FMNL2: variants seen among roughly 807,000 people sequenced by gnomAD.
FMNL2 encodes the protein formin-like protein 2.
FMNL2 carries 51 observed loss-of-function variants against 130.2 expected under a neutral mutation model. That is an observed-to-expected ratio of 0.39 (90% CI 0.31 to 0.49). FMNL2 has a LOEUF of 0.49. Among genes scored for constraint, FMNL2 ranks in the 20% least tolerant of loss-of-function variants. The probability of loss-of-function intolerance (pLI) is 0.85; values close to 1 mark genes in which losing one functional copy is unlikely to be tolerated. For missense variants in FMNL2, 977 were observed against 1,316.2 expected, an observed-to-expected ratio of 0.74 and a Z score of 3.99; for synonymous variants, 465 against 467.1, an observed-to-expected ratio of 1.00 and a Z score of 0.06.
chr2:152,392,451 G>A (rs1203972703), intron 1 of FMNL2, among the ~76,000 whole-genome samples: 1 of 152,134 alleles, frequency 6.6e-6, no homozygotes, highest in Non-Finnish European at 1.5e-5. Flanking sequence ...TTGAGACTGG[G>A]TAATTTATAA....
intron 1 of FMNL2, among the ~76,000 whole-genome samples, chr2:152,454,021 C>T (rs1688804798): frequency 6.6e-6 from 1 of 152,090 alleles, no homozygotes; most frequent in African/African-American, 2.4e-5. Flanking sequence ...GCCTATAACC[C>T]CAGCACTTCG....
At chr2:152,389,131 C>T (rs1423511145) in intron 1 of FMNL2, among the ~76,000 whole-genome samples, 8 of 151,602 alleles carry the variant, frequency 5.3e-5, no homozygotes, top group African/African-American at 1.9e-4. Flanking sequence ...AAGCCTAACA[C>T]AGTGTTAGGG....
chr2:152,622,508 T>C (rs1044789156), intron 15 of FMNL2: 4 of 456,600 alleles, frequency 8.8e-6, no homozygotes, highest in Admixed American at 7.0e-5. Flanking sequence ...TTTTTTGTAT[T>C]TTCTCTGTTC....
At chr2:152,514,247 T>C (rs1215852601) in intron 1 of FMNL2, among the ~76,000 whole-genome samples, 2 of 152,148 alleles carry the variant, frequency 1.3e-5, no homozygotes, top group Admixed American at 1.3e-4. Flanking sequence ...CCTCATTTGA[T>C]TTGAAGACCC....
At chr2:152,575,790 T>C (rs139050107) in intron 7 of FMNL2, among the ~76,000 whole-genome samples, 2 of 152,184 alleles carry the variant, frequency 1.3e-5, no homozygotes, top group Non-Finnish European at 2.9e-5. Context: ...AAGGGTTATA[T>C]GGCAAACAGG....
intron 9 of FMNL2, among the ~76,000 whole-genome samples, chr2:152,599,405 CTT>C (rs35753197): frequency 1.4e-3 from 62 of 45,054 alleles, no homozygotes; most frequent in African/African-American, 2.9e-3. Flanking sequence ...TGAAGGTCAT[CTT>C]TTTTTTTTTT....
At chr2:152,365,507 C>T (rs983142538) in intron 1 of FMNL2, among the ~76,000 whole-genome samples, 4 of 152,082 alleles carry the variant, frequency 2.6e-5, no homozygotes, top group African/African-American at 4.8e-5. Context: ...CGTGGTGGCT[C>T]ATGTCTGTAA....
intron 1 of FMNL2, chr2:152,389,798 A>C: frequency 7.1e-7 from 1 of 1,408,238 alleles, no homozygotes; most frequent in South Asian, 1.2e-5. Context: ...CGCAAAACAG[A>C]CTTTTTCACT....
At chr2:152,475,405 A>G (rs952553062) in intron 1 of FMNL2, among the ~76,000 whole-genome samples, 7 of 152,250 alleles carry the variant, frequency 4.6e-5, no homozygotes, top group Admixed American at 2.6e-4. Flanking sequence ...CTTGACACAG[A>G]ATATGGGACT....
At chr2:152,390,611 T>C (rs1685057908) in intron 1 of FMNL2, 1 of 1,166,464 alleles carries the variant, frequency 8.6e-7, no homozygotes. Flanking sequence ...TGGAGATGGA[T>C]TTTTCCAAGG....
At chr2:152,359,480 C>A (rs1309132003) in intron 1 of FMNL2, among the ~76,000 whole-genome samples, 1 of 57,810 alleles carries the variant, frequency 1.7e-5, no homozygotes, top group Non-Finnish European at 5.1e-5. Flanking sequence ...TAAGAGGTAG[C>A]CTTTTTTTTT....
chr2:152,381,767 C>T (rs1339537261), intron 1 of FMNL2, among the ~76,000 whole-genome samples: 2 of 151,852 alleles, frequency 1.3e-5, no homozygotes, highest in East Asian at 3.9e-4. Flanking sequence ...TTAAGAAACT[C>T]GATAACTCTT....
chr2:152,424,220 G>C (rs555575308), intron 1 of FMNL2, among the ~76,000 whole-genome samples: 1 of 152,066 alleles, frequency 6.6e-6, no homozygotes, highest in Non-Finnish European at 1.5e-5. Flanking sequence ...GGAAGTATTC[G>C]GTGGTACACA....
At chr2:152,487,972 G>A (rs1265451826) in intron 1 of FMNL2, among the ~76,000 whole-genome samples, 7 of 151,888 alleles carry the variant, frequency 4.6e-5, no homozygotes, top group Non-Finnish European at 8.8e-5. Flanking sequence ...TTTTTAGTAG[G>A]AGACGGGGTT....
intron 2 of FMNL2, among the ~76,000 whole-genome samples, chr2:152,537,226 C>T (rs993037642): frequency 2.0e-5 from 3 of 152,230 alleles, no homozygotes; most frequent in Non-Finnish European, 4.4e-5. Context: ...ACACCCCTGT[C>T]ACAGCCCGTC....
At chr2:152,356,480 T>TAC (rs1682788392) in intron 1 of FMNL2, among the ~76,000 whole-genome samples, 1 of 152,248 alleles carries the variant, frequency 6.6e-6, no homozygotes, top group Non-Finnish European at 1.5e-5. Context: ...TGCCATAAAT[T>TAC]ACAGTTGATC....
At chr2:152,627,397 A>G (rs374438939) in intron 17 of FMNL2, among the ~76,000 whole-genome samples, 14 of 152,350 alleles carry the variant, frequency 9.2e-5, no homozygotes, top group Admixed American at 9.1e-4. Flanking sequence ...AATGTGATGA[A>G]GACATTATTA....
chr2:152,469,455 A>C (rs1689735656), intron 1 of FMNL2, among the ~76,000 whole-genome samples: 1 of 152,014 alleles, frequency 6.6e-6, no homozygotes. Context: ...CTTTTCCCAC[A>C]TGCTCCCTAA....
chr2:152,631,466 G>A lies in FMNL2; in HGVS notation c.2551-542G>A, dbSNP rs13023529. Among the ~76,000 whole-genome samples the A allele has an allele frequency of 5.1e-4, 78 of 151,732 alleles. 1 individual carries two copies. In the East Asian group the frequency reaches 0.013, roughly 25 times the overall value. ...CTTGAACACAAACACTGCAATAGGC[G>A]GCAGTTAACCTGATAACCCAGATGG... On this transcript the variant is annotated intron_variant, in intron 20 of 25. Transcript: ENST00000288670.
Sources: allele counts gnomAD v4.1 joint callset (sites outside exome capture counted in the v4.1 genomes callset), GRCh38; gene constraint gnomAD v4.1.1; transcripts MANE v1.5; gene names NCBI Gene and HGNC (gene_info 2026-07-23, HGNC 2026-07-21).